Variants in BBS9 observed in about 807,000 individuals in gnomAD.
BBS9 encodes protein PTHB1.
BBS9 carries 89 observed loss-of-function variants against 117.7 expected under a neutral mutation model. That is an observed-to-expected ratio of 0.76 (90% CI 0.64 to 0.90). BBS9 has a LOEUF of 0.90. Ranked by LOEUF, BBS9 falls within the 40% of genes least tolerant of loss-of-function variation. The pLI is 0.00. For synonymous variants in BBS9, 379 were observed against 370.9 expected (o/e 1.02, Z -0.25); for missense variants, 982 against 1,042.2 (o/e 0.94, Z 0.80).
chr7:33,219,959 G>A lies in BBS9; in HGVS notation c.443-37277G>A, dbSNP rs1366954640. Among the ~76,000 whole-genome samples the A allele has an allele frequency of 3.9e-5, 6 of 152,106 alleles. No homozygotes were observed. In the East Asian group the frequency reaches 5.8e-4, roughly 15 times the overall value. On this transcript the variant is annotated intron_variant, in intron 5 of 22. Coordinates refer to ENST00000242067, the MANE Select transcript of BBS9 (RefSeq NM_198428.3). ...TCTGCAGCTTCACTCCTGAGCTAGC[G>A]AGACCATGAACCCACCAGAAGGAAG...
chr7:33,563,280 C>T (rs141533184), intron 21 of BBS9, among the ~76,000 whole-genome samples: 2,374 of 152,278 alleles, frequency 0.016, 34 homozygotes, highest in Admixed American at 0.024. Context: ...TTCACTTCAA[C>T]TTTAAACCAA....
At chr7:33,633,293 T>C (rs1235229595) in intron 21 of BBS9, among the ~76,000 whole-genome samples, 1 of 141,426 alleles carries the variant, frequency 7.1e-6, no homozygotes, top group Non-Finnish European at 1.6e-5. Context: ...TTGGAAAATA[T>C]TCTAAGAAAA....
At chr7:33,303,998 C>T (rs183035995) in intron 9 of BBS9, among the ~76,000 whole-genome samples, 5,659 of 150,840 alleles carry the variant, frequency 0.038, 164 homozygotes, top group African/African-American at 0.087. Context: ...CCCCTCTGCC[C>T]GGCCGCCCCG....
At position 33,301,003 on chromosome 7, in the gene BBS9, C is replaced by G. The variant is rs369093811; in HGVS notation, c.1016+27047C>G. 1.4e-4 allele frequency among the ~76,000 whole-genome samples: 22 copies of G among 152,064 alleles called. 1 individual carries two copies. Among genetic ancestry groups the G allele is most frequent in the Admixed American group, 5.2e-4 (8 of 15,266 alleles). On this transcript the variant is annotated intron_variant, in intron 9 of 22. Transcript: ENST00000242067. ...TGAAGATATCAGTCCATTGGTCCAT[C>G]TGGCTTCTGTAGGTATTATTGAGAA... is the stretch of plus-strand genomic sequence containing the variant.
chr7:33,313,032 CTGTGGTG>C (rs905363379), intron 9 of BBS9, among the ~76,000 whole-genome samples: 3 of 137,210 alleles, frequency 2.2e-5, no homozygotes, highest in African/African-American at 8.8e-5. Context: ...GTGCTGTACT[CTGTGGTG>C]TGTGTGTGTG....
At chr7:33,404,661 A>G (rs1015115298) in intron 19 of BBS9, among the ~76,000 whole-genome samples, 5 of 149,864 alleles carry the variant, frequency 3.3e-5, no homozygotes, top group Admixed American at 1.3e-4. Flanking sequence ...TTGTTGGTGT[A>G]TAAGAATGCT....
intron 10 of BBS9, among the ~76,000 whole-genome samples, chr7:33,340,103 G>A (rs899270533): frequency 4.0e-5 from 6 of 151,822 alleles, no homozygotes; most frequent in African/African-American, 1.2e-4. Flanking sequence ...CATGTGTATG[G>A]TAAAAATAAT....
chr7:33,615,954 T>C (rs1239979357), intron 21 of BBS9, among the ~76,000 whole-genome samples: 1 of 151,978 alleles, frequency 6.6e-6, no homozygotes, highest in African/African-American at 2.4e-5. Context: ...TGCAAAATGA[T>C]CCTTCAAAAA....
chr7:33,498,367 A>G (rs182895518), intron 19 of BBS9, among the ~76,000 whole-genome samples: 43 of 152,302 alleles, frequency 2.8e-4, no homozygotes, highest in Non-Finnish European at 4.4e-4. Flanking sequence ...TACATATATT[A>G]CAATTCAGTC....
intron 17 of BBS9, among the ~76,000 whole-genome samples, chr7:33,370,469 C>CA (rs901921741): frequency 1.2e-4 from 18 of 145,570 alleles, no homozygotes; most frequent in Non-Finnish European, 2.3e-4. Context: ...GACCCTGTCT[C>CA]AAAAAAAAAA....
At chr7:33,533,057 G>A (rs1279718381) in intron 20 of BBS9, among the ~76,000 whole-genome samples, 1 of 152,122 alleles carries the variant, frequency 6.6e-6, no homozygotes, top group Non-Finnish European at 1.5e-5. Context: ...ATCTTACCCA[G>A]TTATTCCTGG....
At chr7:33,429,668 T>A (rs1465793058) in intron 19 of BBS9, among the ~76,000 whole-genome samples, 4 of 151,808 alleles carry the variant, frequency 2.6e-5, no homozygotes, top group Non-Finnish European at 5.9e-5. Flanking sequence ...AAAATAAATT[T>A]ATTTATTTAT....
intron 19 of BBS9, among the ~76,000 whole-genome samples, chr7:33,469,990 T>C (rs1840748087): frequency 6.6e-6 from 1 of 152,210 alleles, no homozygotes; most frequent in Non-Finnish European, 1.5e-5. Flanking sequence ...TAACTATTAA[T>C]AGCAGATGTT....
chr7:33,277,388 T>C (rs1800967332), intron 9 of BBS9, among the ~76,000 whole-genome samples: 1 of 152,186 alleles, frequency 6.6e-6, no homozygotes, highest in Non-Finnish European at 1.5e-5. Context: ...AGGTAGTTGG[T>C]TCCCTTTTTA....
At chr7:33,614,714 A>G (rs563654494) in intron 21 of BBS9, among the ~76,000 whole-genome samples, 68 of 152,202 alleles carry the variant, frequency 4.5e-4, no homozygotes, top group Non-Finnish European at 8.8e-4. Context: ...TAAAAACTCC[A>G]GAAGACCCAG....
intron 12 of BBS9, among the ~76,000 whole-genome samples, chr7:33,345,031 C>T (rs1170280843): frequency 2.0e-5 from 3 of 152,084 alleles, no homozygotes; most frequent in Admixed American, 1.3e-4. Context: ...TGGAGAAGCA[C>T]GGGGATGGTA....
At chr7:33,174,175 T>C (rs1796998525) in intron 4 of BBS9, among the ~76,000 whole-genome samples, 1 of 152,136 alleles carries the variant, frequency 6.6e-6, no homozygotes, top group Non-Finnish European at 1.5e-5. Context: ...CTAGGAGAGC[T>C]CAAAACACAA....
At chr7:33,608,342 A>G (rs1864690424), downstream of BBS9, among the ~76,000 whole-genome samples, 1 of 152,228 alleles carries the variant, frequency 6.6e-6, no homozygotes, top group East Asian at 1.9e-4. Flanking sequence ...TAGTGCTGCA[A>G]TGAACGTATA....
intron 16 of BBS9, among the ~76,000 whole-genome samples, chr7:33,358,369 C>A (rs1467947479): frequency 6.6e-6 from 1 of 151,398 alleles, no homozygotes; most frequent in Non-Finnish European, 1.5e-5. Flanking sequence ...TTATTATTTT[C>A]ATTGTAGGCT....
Sources: gnomAD v4.1 joint callset for allele counts (sites outside exome capture counted in the v4.1 genomes callset) on GRCh38, gnomAD v4.1.1 for gene constraint, MANE v1.5 for transcripts, NCBI Gene and HGNC (gene_info 2026-07-23, HGNC 2026-07-21) for gene names.